The following ZSCAN4 variants were observed in gnomAD, a reference collection of about 807,000 sequenced individuals.
The protein encoded by ZSCAN4 is zinc finger and SCAN domain containing 4, also known as zinc finger and SCAN domain-containing protein 4.
ZSCAN4 carries 18 observed loss-of-function variants against 18.3 expected under a neutral mutation model. The ratio of observed to expected loss-of-function variants is 0.98; its 90% CI spans 0.68 to 1.46. The LOEUF is 1.46. Ranked by LOEUF, ZSCAN4 falls within the 40% of genes most tolerant of loss-of-function variation. The probability of loss-of-function intolerance (pLI) is 0.00; values close to 1 mark genes in which losing one functional copy is unlikely to be tolerated. For missense variants in ZSCAN4, 498 were observed against 511.4 expected (o/e 0.97, Z 0.25); for synonymous variants, 193 against 180.3 (o/e 1.07, Z -0.57).
exon 4 of ZSCAN4, chr19:57,678,043 C>G: frequency 1.3e-6 from 2 of 1,589,198 alleles, no homozygotes; most frequent in Admixed American, 1.8e-5. Flanking sequence ...GACACCCTCC[C>G]AGACTTCCCA....
chr19:57,675,546 T>C (rs1394515797), intron 2 of ZSCAN4, among the ~76,000 whole-genome samples: 1 of 152,202 alleles, frequency 6.6e-6, no homozygotes, highest in Non-Finnish European at 1.5e-5. Flanking sequence ...CCTCCCACAG[T>C]TCTGGGATTA....
intron 1 of ZSCAN4, among the ~76,000 whole-genome samples, chr19:57,669,851 A>G (rs1419946217): frequency 1.3e-5 from 2 of 151,944 alleles, no homozygotes; most frequent in Non-Finnish European, 2.9e-5. Flanking sequence ...ACATGCCACC[A>G]TGCCTGGCTA....
chr19:57,677,759 T>C (rs1984229594), intron 3 of ZSCAN4, among the ~76,000 whole-genome samples, 155 bp from the exon 4 acceptor site: 1 of 152,168 alleles, frequency 6.6e-6, no homozygotes, highest in Non-Finnish European at 1.5e-5. Flanking sequence ...TAAGAGCTTG[T>C]AGTAACAAGA....
rs919013960 is a variant in ZSCAN4, at chr19:57,673,075, G to A, written c.-106+2508G>A. On this transcript the variant is annotated intron_variant, in intron 2 of 4. Transcript: ENST00000318203. ...ATTTATTTATTTATTTTGAGATGGA[G>A]TTTCACTCTGTCGCCCAGGCTGGAG... Among the ~76,000 whole-genome samples, 4 of 151,976 alleles carry A rather than the reference G, an allele frequency of 2.6e-5. 1 individual carries two copies. Among genetic ancestry groups the A allele is most frequent in the South Asian group, 4.1e-4 (2 of 4,822 alleles).
upstream of ZSCAN4, chr19:57,664,787 C>A: frequency 4.7e-6 from 1 of 212,898 alleles, no homozygotes. Flanking sequence ...GTACCCTGTG[C>A]CAATTTCATA....
At chr19:57,658,953 T>C in the ZSCAN4 span, among the ~76,000 whole-genome samples, 6 of 152,152 alleles carry the variant, frequency 3.9e-5, no homozygotes, top group African/African-American at 1.4e-4. Flanking sequence ...TCATGGTCCA[T>C]TATTAAAATA....
At chr19:57,652,365 G>A in the ZSCAN4 span, among the ~76,000 whole-genome samples, 1 of 152,182 alleles carries the variant, frequency 6.6e-6, no homozygotes, top group South Asian at 2.1e-4. Flanking sequence ...CAATGCAATG[G>A]TAAATCGTCC....
In ZSCAN4 at chr19:57,676,175, G is replaced by A. The variant is rs190026289; in HGVS notation, c.30G>A (p.Gln10=). 6 of 1,613,678 alleles carry A rather than the reference G, an allele frequency of 3.7e-6. No homozygotes were observed. In the Admixed American group the frequency reaches 8.4e-5, roughly 22 times the overall value. ...CTTTAGATCTAAGAACCATATTTCA[G>A]TGTGAACCATCCGAGAATAATCTTG... Residue 10 remains glutamine, a synonymous_variant, in exon 3 of 5, where the codon CAG becomes CAA. Transcript: ENST00000318203.
chr19:57,656,981 C>T, the ZSCAN4 span, among the ~76,000 whole-genome samples: 1 of 152,054 alleles, frequency 6.6e-6, no homozygotes. Flanking sequence ...GGTGAGATAT[C>T]ATAGCTGTAA....
the ZSCAN4 span, among the ~76,000 whole-genome samples, chr19:57,662,269 T>C: frequency 6.6e-6 from 1 of 152,102 alleles, no homozygotes; most frequent in Non-Finnish European, 1.5e-5. Context: ...CATTTGAATG[T>C]GAGCCAAACA....
the ZSCAN4 span, among the ~76,000 whole-genome samples, chr19:57,661,350 T>C: frequency 2.6e-5 from 4 of 152,136 alleles, no homozygotes; most frequent in African/African-American, 9.7e-5. Flanking sequence ...CTCCCTTAAC[T>C]CACCTCTGCT....
intron 3 of ZSCAN4, among the ~76,000 whole-genome samples, chr19:57,676,933 C>T (rs1005062965): frequency 5.9e-5 from 9 of 152,136 alleles, no homozygotes; most frequent in African/African-American, 2.2e-4. Context: ...CGTGCTCCAC[C>T]AAGGCCGGCT....
chr19:57,657,145 A>G, the ZSCAN4 span, among the ~76,000 whole-genome samples: 1 of 151,766 alleles, frequency 6.6e-6, no homozygotes, highest in Non-Finnish European at 1.5e-5. Flanking sequence ...AATCCCAGCT[A>G]CTCAAGAGGC....
rs137894485 is a variant in ZSCAN4, at chr19:57,673,530, G to A, written c.-105-2511G>A. Reference sequence around the variant, plus strand: ...GCCTGTAGTCCCAGCTACTCAAGACGCTAAGGCAGGAGGATCGCTTGAACC... The same window carrying A: ...GCCTGTAGTCCCAGCTACTCAAGACACTAAGGCAGGAGGATCGCTTGAACC... On this transcript the variant is annotated intron_variant, in intron 2 of 4. Transcript: ENST00000318203. Among the ~76,000 whole-genome samples, 253 of 152,150 alleles carry A rather than the reference G, an allele frequency of 1.7e-3. 2 individuals are homozygous for A. Among genetic ancestry groups the A allele is most frequent in the African/African-American group, 5.8e-3 (242 of 41,502 alleles).
the ZSCAN4 span, among the ~76,000 whole-genome samples, chr19:57,662,510 G>T: frequency 2.0e-5 from 3 of 151,930 alleles, no homozygotes; most frequent in Admixed American, 6.6e-5. Context: ...ACTTATCCAA[G>T]ATTGTAAAAA....
upstream of ZSCAN4, among the ~76,000 whole-genome samples, chr19:57,666,702 G>A (rs1462160180): frequency 6.6e-6 from 1 of 152,054 alleles, no homozygotes; most frequent in Non-Finnish European, 1.5e-5. Flanking sequence ...TGGCCAACAT[G>A]GTGAAACCCC....
chr19:57,663,963 C>T (rs1983784969), upstream of ZSCAN4, among the ~76,000 whole-genome samples: 1 of 152,000 alleles, frequency 6.6e-6, no homozygotes, highest in Non-Finnish European at 1.5e-5. Flanking sequence ...CCCGTCTCTA[C>T]TAAAAACACC....
At chr19:57,653,390 GAAAA>G in the ZSCAN4 span, among the ~76,000 whole-genome samples, 199 of 76,488 alleles carry the variant, frequency 2.6e-3, 1 homozygote, top group African/African-American at 6.1e-3. Flanking sequence ...CCATCTCAAA[GAAAA>G]AAAAAAAAAA....
At chr19:57,667,237 C>T (rs960066672), upstream of ZSCAN4, among the ~76,000 whole-genome samples, 4 of 152,202 alleles carry the variant, frequency 2.6e-5, no homozygotes, top group Admixed American at 2.0e-4. Context: ...ATTTCCTCCA[C>T]CATCTGTGTT....
Sources: gnomAD v4.1 joint callset for allele counts (sites outside exome capture counted in the v4.1 genomes callset) on GRCh38, gnomAD v4.1.1 for gene constraint, MANE v1.5 for transcripts, NCBI Gene and HGNC (gene_info 2026-07-23, HGNC 2026-07-21) for gene names.